The following UGP2 variants were observed in gnomAD, a reference collection of about 807,000 sequenced individuals.
UGP2 encodes UDP-glucose pyrophosphorylase 2.
UGP2 carries 40 observed loss-of-function variants against 49.0 expected under a neutral mutation model. The ratio of observed to expected loss-of-function variants is 0.82; its 90% CI spans 0.63 to 1.06. The LOEUF is 1.06. Ranked by LOEUF, UGP2 falls within the 50% of genes least tolerant of loss-of-function variation. The pLI is 0.00. For synonymous variants in UGP2, 225 were observed against 213.0 expected (o/e 1.06, Z -0.49); for missense variants, 460 against 603.5 (o/e 0.76, Z 2.49).
At chr2:63,889,857 A>G (rs1558966648) in intron 8 of UGP2, 4 of 441,360 alleles carry the variant, frequency 9.1e-6, no homozygotes, top group Non-Finnish European at 1.6e-5. Context: ...CTGCTCAACT[A>G]TCTTGTAAAT....
rs1671550232 is a variant in UGP2 at position 63,884,870 on chromosome 2, C to G, written c.576-719C>G. Among the ~76,000 whole-genome samples, 3 of 151,058 alleles carry G rather than the reference C, an allele frequency of 2.0e-5. No individual in the cohort carries two copies. In the South Asian group the frequency reaches 6.3e-4, roughly 32 times the overall value. On this transcript the variant is annotated intron_variant, in intron 5 of 9. Transcript: ENST00000337130. ...GCTGTTTGTGCTACTGTACTCCAGC[C>G]TAGGCAACAGAGCAAGACCCTATCT...
intron 3 of UGP2, among the ~76,000 whole-genome samples, chr2:63,865,177 A>G (rs763031985): frequency 6.6e-5 from 10 of 152,196 alleles, no homozygotes; most frequent in Non-Finnish European, 1.2e-4. Context: ...GAATGCAAAA[A>G]TAAAGACAGT....
At chr2:63,871,192 C>T (rs1449372849) in intron 3 of UGP2, among the ~76,000 whole-genome samples, 1 of 152,110 alleles carries the variant, frequency 6.6e-6, no homozygotes, top group Non-Finnish European at 1.5e-5. Context: ...AAGAACAGTT[C>T]CCCATTCCCT....
intron 3 of UGP2, among the ~76,000 whole-genome samples, chr2:63,872,580 A>G (rs549695473): frequency 6.6e-5 from 10 of 152,334 alleles, no homozygotes; most frequent in Non-Finnish European, 1.3e-4. Flanking sequence ...GCCTGGCATT[A>G]AAGCCTGTGT....
At position 63,857,932 on chromosome 2, in the gene UGP2, A is replaced by G; in HGVS notation, c.251A>G (p.Asp84Gly). 6.2e-7 allele frequency: 1 copy of G among 1,613,034 alleles called. No homozygotes were observed. Among genetic ancestry groups the G allele is most frequent in the Non-Finnish European group, 8.5e-7 (1 of 1,179,622 alleles). The part of the protein sequence containing the change: ...DWGKIQRPPE[D>G]SIQPYEKIKA... ...GGAAAAATCCAGAGACCCCCTGAAGATTCGGTAAGTTTTAGATAAAATGTA... is the reference window on the plus strand; with the variant it reads ...GGAAAAATCCAGAGACCCCCTGAAGGTTCGGTAAGTTTTAGATAAAATGTA... Residue 84 changes from aspartate (D) to glycine (G), a missense_variant, in exon 3 of 10, where the codon GAT becomes GGT. Asp to Gly is a moderately conservative substitution (Grantham distance 94). Transcript: ENST00000337130.
chr2:63,856,516 A>G, intron 2 of UGP2, 83 bp downstream of exon 2: 1 of 1,401,712 alleles, frequency 7.1e-7, no homozygotes, highest in East Asian at 2.4e-5. Context: ...TGATGATGAT[A>G]ATCATCACCT....
chr2:63,883,808 C>T (rs546326170), intron 4 of UGP2, 152 bp from the exon 5 acceptor site: 15 of 838,604 alleles, frequency 1.8e-5, no homozygotes, highest in South Asian at 1.4e-4. Context: ...ATGTCTGGCT[C>T]GTGCTGAGCA....
chr2:63,876,620 C>T (rs1670923181), intron 3 of UGP2, among the ~76,000 whole-genome samples: 2 of 152,236 alleles, frequency 1.3e-5, no homozygotes, highest in Admixed American at 1.3e-4. Context: ...TTATTGAAAG[C>T]ACTACATAAA....
chr2:63,861,606 T>C (rs1669850912), intron 3 of UGP2, among the ~76,000 whole-genome samples: 1 of 149,666 alleles, frequency 6.7e-6, no homozygotes, highest in Non-Finnish European at 1.5e-5. Context: ...GAAGATCACT[T>C]GAGCCCAGGA....
At position 63,885,639 on chromosome 2, in the gene UGP2, C is replaced by CTTA; in HGVS notation, c.627_629dup (p.Tyr210dup). ...TTACTTCCTGTAGCAAAGGACGTGTCTTACTCAGGGGAAAATACAGAAGCT... is the reference window on the plus strand; with the variant it reads ...TTACTTCCTGTAGCAAAGGACGTGTCTTATTACTCAGGGGAAAATACAGAAGCT... On this transcript the variant is annotated inframe_insertion, in exon 6 of 10. Transcript: ENST00000337130. 6.2e-7 allele frequency: 1 copy of CTTA among 1,605,308 alleles called. No homozygotes were observed. Among genetic ancestry groups the CTTA allele is most frequent in the Non-Finnish European group, 8.5e-7 (1 of 1,176,928 alleles).
Position 63,891,396 on chromosome 2 carries a change from G to T in UGP2, c.*169G>T. 1 of 445,750 alleles carries T rather than the reference G, an allele frequency of 2.2e-6. No individual in the cohort carries two copies. The highest frequency in any genetic ancestry group is 3.9e-6 in the Non-Finnish European group (1 of 257,128). The allele number at this position is 445,750 out of a possible 1,614,324, so 27.6% of individuals were successfully genotyped here. A position where few individuals can be genotyped will look rare whatever the true frequency, so the allele number is the denominator to read the frequency against. On this transcript the variant is annotated 3_prime_UTR_variant, in exon 10 of 10. Coordinates refer to ENST00000337130, the MANE Select transcript of UGP2 (RefSeq NM_006759.4). ...TTTTAGTCTAAGAAAAGCACAGATG[G>T]AGCAATACTTTCCTTCTTTGAAGAG...
chr2:63,855,570 C>G (rs1669355045), intron 1 of UGP2: 1 of 288,724 alleles, frequency 3.5e-6, no homozygotes, highest in African/African-American at 2.8e-5. Context: ...GAGACAGGAT[C>G]TGCCTCTGTC....
chr2:63,883,365 T>A (rs1671440488), intron 4 of UGP2: 1 of 152,124 alleles, frequency 6.6e-6, no homozygotes, highest in Non-Finnish European at 1.5e-5. Context: ...AGTTAGTAAG[T>A]GCAGAATTAA....
intron 7 of UGP2, 89 bp from the exon 8 acceptor site, chr2:63,887,313 A>T (rs1242584294): frequency 1.1e-5 from 16 of 1,522,542 alleles, no homozygotes; most frequent in African/African-American, 1.4e-5. Flanking sequence ...CTCTGAAATC[A>T]CTTCCCAAAT....
chr2:63,856,036 T>C (rs1307635619), intron 1 of UGP2: 1 of 297,232 alleles, frequency 3.4e-6, no homozygotes, highest in Non-Finnish European at 6.3e-6. Context: ...TATGCCCTTC[T>C]CCTTTTAAAA....
At chr2:63,854,516 C>G (rs1669251865) in intron 1 of UGP2, among the ~76,000 whole-genome samples, 1 of 152,284 alleles carries the variant, frequency 6.6e-6, no homozygotes, top group South Asian at 2.1e-4. Context: ...TTAAAAAATT[C>G]AGGATGGATG....
At position 63,884,038 on chromosome 2, in the gene UGP2, A is replaced by C. The variant is rs773042126; in HGVS notation, c.520A>C (p.Ile174Leu). Residue 174 changes from isoleucine to leucine, a missense_variant, in exon 5 of 10, where the codon ATA becomes CTA. Ile to Leu is a conservative substitution (Grantham distance 5). Coordinates refer to ENST00000337130, the MANE Select transcript of UGP2 (RefSeq NM_006759.4). ...SFNTDEDTKK[I>L]LQKYNHCRVK... Reference sequence around the variant, plus strand: ...TAACACGGATGAAGATACCAAAAAAATACTACAGAAGTACAATCATTGTCG... The same window carrying C: ...TAACACGGATGAAGATACCAAAAAACTACTACAGAAGTACAATCATTGTCG... 1 of 1,613,620 alleles carries C rather than the reference A, an allele frequency of 6.2e-7. No homozygotes were observed.
In UGP2 at chr2:63,873,083, G is replaced by A. The variant is rs78770094; in HGVS notation, c.256-9383G>A. Reference sequence around the variant, plus strand: ...ACCTTATTGACTTTCAAAGATACAGGACACACATGAACCACTCAGCTCTCA... The same window carrying A: ...ACCTTATTGACTTTCAAAGATACAGAACACACATGAACCACTCAGCTCTCA... On this transcript the variant is annotated intron_variant, in intron 3 of 9. Transcript: ENST00000337130. 4.0e-3 allele frequency among the ~76,000 whole-genome samples: 609 copies of A among 152,300 alleles called. 2 individuals are homozygous for A. The highest frequency in any genetic ancestry group is 6.8e-3 in the Middle Eastern group (2 of 294).
intron 2 of UGP2, chr2:63,857,622 C>T: frequency 1.7e-6 from 1 of 601,898 alleles, no homozygotes; most frequent in Non-Finnish European, 3.1e-6. Flanking sequence ...GCCTGAGCCT[C>T]CCAAAGTGCT....
Sources: gnomAD v4.1 joint callset for allele counts (sites outside exome capture counted in the v4.1 genomes callset) on GRCh38, gnomAD v4.1.1 for gene constraint, MANE v1.5 for transcripts, NCBI Gene and HGNC (gene_info 2026-07-23, HGNC 2026-07-21) for gene names.